Variants in WNK4 observed in about 807,000 individuals in gnomAD.
WNK4 encodes the protein serine/threonine-protein kinase WNK4.
A neutral mutation model predicts 116.2 loss-of-function variants in WNK4; 94 were observed. The observed-to-expected ratio is 0.81, with a 90% CI of 0.68 to 0.96. The LOEUF (loss-of-function observed/expected upper bound fraction) is 0.96, where lower values mean the gene tolerates loss of function less well. Among genes scored for constraint, WNK4 ranks in the 40% least tolerant of loss-of-function variants. The probability of loss-of-function intolerance (pLI) is 0.00; values close to 1 mark genes in which losing one functional copy is unlikely to be tolerated. For synonymous variants in WNK4, 655 were observed against 672.7 expected (o/e 0.97, Z 0.41); for missense variants, 1,542 against 1,650.6 (o/e 0.93, Z 1.14).
rs767689727 is a variant in WNK4, at chr17:42,788,433, G to C, written c.2040+26G>C. 1.0e-5 allele frequency: 16 copies of C among 1,606,706 alleles called. No homozygotes were observed. The East Asian group carries it at 3.3e-4, about 34-fold the overall frequency. On this transcript the variant is annotated intron_variant, in intron 10 of 18. Coordinates refer to ENST00000246914, the MANE Select transcript of WNK4 (RefSeq NM_032387.5). ...GTAAGGATGGAGTACAGGAGATAGA[G>C]AGTAACCTACAGGGCCAGGAGGGAA...
chr17:42,791,886 G>A (rs2054610602), intron 11 of WNK4, among the ~76,000 whole-genome samples: 3 of 151,730 alleles, frequency 2.0e-5, no homozygotes, highest in Admixed American at 6.6e-5. Context: ...AGAAGGTGAG[G>A]TTGCAGTGAG....
Position 42,796,796 on chromosome 17 carries a change from A to G in WNK4, c.*108A>G. On this transcript the variant is annotated 3_prime_UTR_variant, in exon 19 of 19. Transcript: ENST00000246914. ...AACAAAACTGAGCAAGGAAGATCCC[A>G]ACACTGAAGGGGTAGAAGGCCAGGG... 1.2e-6 allele frequency: 2 copies of G among 1,612,554 alleles called. No homozygotes were observed. Among genetic ancestry groups the G allele is most frequent in the South Asian group, 1.1e-5 (1 of 91,036 alleles).
chr17:42,782,856 G>T lies in WNK4; in HGVS notation c.717G>T (p.Ser239=), dbSNP rs765644398. 34 of 1,614,060 alleles carry T rather than the reference G, an allele frequency of 2.1e-5. No homozygotes were observed. The East Asian group carries it at 7.4e-4, about 35-fold the overall frequency. Residue 239 remains serine, a synonymous_variant, in exon 2 of 19, where the codon TCG becomes TCT. Transcript: ENST00000246914. The surrounding 1 kb of genome is among the most constrained non-coding windows in gnomAD (Gnocchi z 4.2). ...QHPNIVRFYD[S]WKSVLRGQVC... ...CCAACATCGTCCGCTTCTATGATTCGTGGAAGTCGGTGCTGAGGGGCCAGG... is the reference window on the plus strand; with the variant it reads ...CCAACATCGTCCGCTTCTATGATTCTTGGAAGTCGGTGCTGAGGGGCCAGG...
intron 1 of WNK4, among the ~76,000 whole-genome samples, chr17:42,781,852 CAG>C (rs1227775484): frequency 6.6e-6 from 1 of 152,202 alleles, no homozygotes; most frequent in Non-Finnish European, 1.5e-5. Context: ...CTGGAGCAGT[CAG>C]ACTTCTGGAC....
intron 11 of WNK4, 34 bp downstream of exon 11, chr17:42,788,831 G>T: frequency 6.4e-7 from 1 of 1,563,844 alleles, no homozygotes; most frequent in Non-Finnish European, 8.8e-7. Flanking sequence ...AGAGTGTTTG[G>T]ATCTGGAACA....
chr17:42,780,980 C>A lies in WNK4; in HGVS notation c.282C>A (p.Pro94=), dbSNP rs760551795. 1.1e-5 allele frequency: 18 copies of A among 1,610,104 alleles called. No individual in the cohort carries two copies. The African/African-American group carries it at 2.1e-4, about 19-fold the overall frequency. Residue 94 remains proline, a synonymous_variant, in exon 1 of 19, where the codon CCC becomes CCA. Transcript: ENST00000246914. ...PDPPDSAGPG[P]ARSPPPSSKE... ...CTCCGGACTCCGCTGGTCCTGGCCC[C>A]GCGAGGAGCCCACCGCCTAGCTCCA...
In WNK4 at chr17:42,780,654, C is replaced by A; in HGVS notation, c.-45C>A. 6.3e-7 allele frequency: 1 copy of A among 1,598,704 alleles called. No individual in the cohort carries two copies. The stretch of plus-strand genomic sequence containing the variant: ...GAGTCCGTCTGTCAGGCCGCCTCCT[C>A]TCCGGCCGTCTGATTTTCTACCCTT... On this transcript the variant is annotated 5_prime_UTR_variant, in exon 1 of 19. Transcript: ENST00000246914.
rs116542613 is a variant in WNK4 at position 42,789,046 on chromosome 17, C to T, written c.2157+249C>T. On this transcript the variant is annotated intron_variant, in intron 11 of 18. Coordinates refer to ENST00000246914, the MANE Select transcript of WNK4 (RefSeq NM_032387.5). ...ATTGACCGGGTACACACAAGTGCTA[C>T]GTATAAGTGCCTGGTAGATGTGCAA... 8.5e-3 allele frequency among the ~76,000 whole-genome samples: 1,300 copies of T among 152,166 alleles called. 17 individuals are homozygous for T. Among genetic ancestry groups the T allele is most frequent in the African/African-American group, 0.029 (1,198 of 41,480 alleles).
intron 12 of WNK4, chr17:42,794,030 A>G (rs1597903177): frequency 2.8e-6 from 1 of 362,586 alleles, no homozygotes; most frequent in African/African-American, 2.1e-5. Flanking sequence ...TTTTTTTTGT[A>G]TTTTTAGTAG....
chr17:42,784,504 G>A lies in WNK4; in HGVS notation c.1095G>A (p.Met365Ile), dbSNP rs773729601. 2 of 1,614,068 alleles carry A rather than the reference G, an allele frequency of 1.2e-6. No individual in the cohort carries two copies. The highest frequency in any genetic ancestry group is 1.7e-6 in the Non-Finnish European group (2 of 1,180,012). Reference sequence around the variant, plus strand: ...ACGTGTACGCGTTCGGCATGTGCATGCTGGAGATGGCCACCTCTGAGTACC... The same window carrying A: ...ACGTGTACGCGTTCGGCATGTGCATACTGGAGATGGCCACCTCTGAGTACC... Reference protein sequence around the residue: ...AVDVYAFGMCMLEMATSEYPY... With the variant: ...AVDVYAFGMCILEMATSEYPY... The change falls in exon 4 of 19, where the codon ATG (methionine) becomes ATA (isoleucine). Residue 365 changes from methionine (M) to isoleucine (I), a missense_variant. Met to Ile is a conservative substitution (Grantham distance 10, BLOSUM62 1). Transcript: ENST00000246914. This position sits in a 1 kb window ranked among gnomAD's most constrained non-coding sequence, Gnocchi z 4.4.
intron 11 of WNK4, among the ~76,000 whole-genome samples, chr17:42,793,025 C>T (rs2054621436): frequency 6.6e-6 from 1 of 152,116 alleles, no homozygotes; most frequent in South Asian, 2.1e-4. Flanking sequence ...TTAATGTGGG[C>T]CCCAGAAAGT....
At chr17:42,791,630 ACT>A (rs1227029367) in intron 11 of WNK4, among the ~76,000 whole-genome samples, 1 of 144,790 alleles carries the variant, frequency 6.9e-6, no homozygotes, top group Non-Finnish European at 1.5e-5. Flanking sequence ...CAAGAGCGAA[ACT>A]CTGTCTCAAA....
intron 11 of WNK4, among the ~76,000 whole-genome samples, chr17:42,790,400 G>T (rs528521558): frequency 4.8e-4 from 73 of 151,794 alleles, no homozygotes; most frequent in Non-Finnish European, 8.5e-4. Context: ...ATGAAAGAAG[G>T]TTTTTTTTAA....
chr17:42,796,392 C>A, intron 17 of WNK4, 70 bp downstream of exon 17: 1 of 1,612,912 alleles, frequency 6.2e-7, no homozygotes, highest in South Asian at 1.1e-5. Flanking sequence ...TTTCTCCAGG[C>A]CCTGGGGGTC....
Position 42,796,172 on chromosome 17 carries a change from G to A in WNK4, c.3481G>A (p.Glu1161Lys). Residue 1161 changes from glutamate to lysine, a missense_variant, in exon 17 of 19, where the codon GAA becomes AAA. Glu to Lys is a moderately conservative substitution (Grantham distance 56, BLOSUM62 1). This residue lies in a region of WNK4 where 148 missense variants were observed against 157.2 expected (regional missense o/e 0.94). Transcript: ENST00000246914. ...ACAGACACTACAGAAAAAAGAAATT[G>A]AAGATTTGTACAGCCGGCTGGGGAA... ...TLQTLQKKEI[E>K]DLYSRLGKQP... is the part of the protein sequence containing the mutation. 1 of 1,614,112 alleles carries A rather than the reference G, an allele frequency of 6.2e-7. No homozygotes were observed. The highest frequency in any genetic ancestry group is 8.5e-7 in the Non-Finnish European group (1 of 1,180,020).
At chr17:42,785,564 A>T in intron 6 of WNK4, 82 bp downstream of exon 6, 188 of 1,274,890 alleles carry the variant, frequency 1.5e-4, no homozygotes, top group East Asian at 3.3e-4. Flanking sequence ...GATGGGGCGC[A>T]GGAGGGGTGG....
chr17:42,796,424 C>G, intron 17 of WNK4, 57 bp from the exon 18 acceptor site: 1 of 1,613,932 alleles, frequency 6.2e-7, no homozygotes. Context: ...AATAGACCCC[C>G]TCTCCCCACC....
At chr17:42,783,407 A>G (rs924715580) in intron 2 of WNK4, among the ~76,000 whole-genome samples, 6 of 152,284 alleles carry the variant, frequency 3.9e-5, no homozygotes, top group African/African-American at 1.4e-4. Flanking sequence ...TGGCCTTGGA[A>G]TAAAGCCCAC....
rs1382566049 is a variant in WNK4 at position 42,782,277 on chromosome 17, TCTTTC to T, written c.619-477_619-473del. Reference sequence around the variant, plus strand: ...TCCTGGCGCCTAGTCCTGGATCTTTTCTTTCCTTCTCAGTACCTCCCTCCATATCC... The same window carrying T: ...TCCTGGCGCCTAGTCCTGGATCTTTTCTTCTCAGTACCTCCCTCCATATCC... On this transcript the variant is annotated intron_variant, in intron 1 of 18. Transcript: ENST00000246914. This position sits in a 1 kb window ranked among gnomAD's most constrained non-coding sequence, Gnocchi z 4.2. 6.6e-6 allele frequency among the ~76,000 whole-genome samples: 1 copy of T among 152,192 alleles called. No individual in the cohort carries two copies. Among genetic ancestry groups the T allele is most frequent in the Non-Finnish European group, 1.5e-5 (1 of 68,018 alleles).
Sources: allele counts gnomAD v4.1 joint callset (sites outside exome capture counted in the v4.1 genomes callset), GRCh38; gene constraint gnomAD v4.1.1; regional missense constraint gnomAD v4.1.1; non-coding constraint Gnocchi (gnomAD v3.1); transcripts MANE v1.5; gene names NCBI Gene and HGNC (gene_info 2026-07-23, HGNC 2026-07-21).